The following ZNF469 variants were observed in gnomAD, a reference collection of about 807,000 sequenced individuals.
The protein encoded by ZNF469 is zinc finger protein 469.
ZNF469 carries 1 observed loss-of-function variant against 1.0 expected under a neutral mutation model. The ratio of observed to expected loss-of-function variants is 1.00; its 90% confidence interval spans 0.35 to 4.73. The LOEUF (loss-of-function observed/expected upper bound fraction) is 4.73, where lower values mean the gene tolerates loss of function less well. Ranked by LOEUF, ZNF469 falls within the 30% of genes most tolerant of loss-of-function variation. The pLI is 0.16. For synonymous variants in ZNF469, 2,703 were observed against 2,363.4 expected (o/e 1.14, Z -4.17); for missense variants, 6,100 against 5,356.3 (o/e 1.14, Z -4.33).
In ZNF469 at chr16:88,433,240, G is replaced by C; in HGVS notation, c.5770G>C (p.Glu1924Gln). ...TAAAGATGGCATCCTGGGCTTGCAGGAGCTGACACCTGCTGCCCAGAGCCC... is the reference window on the plus strand; with the variant it reads ...TAAAGATGGCATCCTGGGCTTGCAGCAGCTGACACCTGCTGCCCAGAGCCC... ...KSKDGILGLQ[E>Q]LTPAAQSPPR... Residue 1924 changes from glutamate to glutamine, a missense_variant, in exon 3 of 3, where the codon GAG becomes CAG. By Grantham distance (29) the Glu-to-Gln change is conservative. Transcript: ENST00000565624. 6.5e-7 allele frequency: 1 copy of C among 1,550,178 alleles called. No homozygotes were observed. The highest frequency in any genetic ancestry group is 8.7e-7 in the Non-Finnish European group (1 of 1,146,918).
chr16:88,298,667 G>A, the ZNF469 span, among the ~76,000 whole-genome samples: 1 of 152,074 alleles, frequency 6.6e-6, no homozygotes, highest in Non-Finnish European at 1.5e-5. Flanking sequence ...CCTGGGACAC[G>A]GAGGGAGGCA....
At chr16:88,161,942 G>A in the ZNF469 span, among the ~76,000 whole-genome samples, 114 of 152,296 alleles carry the variant, frequency 7.5e-4, no homozygotes, top group Non-Finnish European at 1.9e-4. Flanking sequence ...ATGGAATGCC[G>A]TTGAGACAGC....
the ZNF469 span, among the ~76,000 whole-genome samples, chr16:88,347,080 C>A: frequency 6.6e-6 from 1 of 152,168 alleles, no homozygotes; most frequent in Non-Finnish European, 1.5e-5. Flanking sequence ...ACAGGCCGTA[C>A]GGCTGAGCTT....
chr16:88,238,292 A>G, the ZNF469 span, among the ~76,000 whole-genome samples: 2 of 152,328 alleles, frequency 1.3e-5, no homozygotes, highest in East Asian at 1.9e-4. Flanking sequence ...GAGAGGAATG[A>G]GCCCTTCTGT....
Position 88,437,379 on chromosome 16 carries a change from C to A in ZNF469, c.9909C>A (p.Gly3303=), listed in dbSNP as rs1285198083. 6.5e-7 allele frequency: 1 copy of A among 1,536,692 alleles called. No individual in the cohort carries two copies. Among genetic ancestry groups the A allele is most frequent in the Non-Finnish European group, 8.8e-7 (1 of 1,140,936 alleles). ...ATALADAGSP[G]PPRTTPSPSP... ...CCCTGGCTGACGCCGGCAGCCCGGGCCCCCCCAGGACGACCCCCAGCCCGT... is the reference window on the plus strand; with the variant it reads ...CCCTGGCTGACGCCGGCAGCCCGGGACCCCCCAGGACGACCCCCAGCCCGT... The change falls in exon 3 of 3, where the codon GGC becomes GGA. Residue 3303 remains glycine (G), a synonymous_variant. Transcript: ENST00000565624.
chr16:88,103,537 TC>T, the ZNF469 span, among the ~76,000 whole-genome samples: 1 of 151,894 alleles, frequency 6.6e-6, no homozygotes, highest in Non-Finnish European at 1.5e-5. Context: ...GCCCTCCTTG[TC>T]CCCCCCGAAT....
the ZNF469 span, among the ~76,000 whole-genome samples, chr16:88,105,045 A>G: frequency 6.6e-6 from 1 of 152,278 alleles, no homozygotes; most frequent in Middle Eastern, 3.4e-3. Flanking sequence ...GTGAGACCCT[A>G]TCTCTACAAG....
the ZNF469 span, among the ~76,000 whole-genome samples, chr16:88,148,823 G>A: frequency 6.6e-6 from 1 of 152,174 alleles, no homozygotes; most frequent in Non-Finnish European, 1.5e-5. Flanking sequence ...CCTGAGTCCG[G>A]CATGGAGCTG....
the ZNF469 span, among the ~76,000 whole-genome samples, chr16:88,160,776 C>T: frequency 6.6e-6 from 1 of 152,118 alleles, no homozygotes; most frequent in Admixed American, 6.5e-5. Flanking sequence ...CTTTTCCCAC[C>T]CAGCAGCCTG....
rs1003677220 is a variant in ZNF469, at chr16:88,437,864, C to A, written c.10394C>A (p.Ala3465Asp). The A allele has an allele frequency of 2.7e-5, 42 of 1,538,772 alleles. No individual in the cohort carries two copies. Among genetic ancestry groups the A allele is most frequent in the Admixed American group, 3.9e-5 (2 of 50,670 alleles). The change falls in exon 3 of 3, where the codon GCC becomes GAC. Residue 3465 changes from alanine (A) to aspartate (D), a missense_variant. Ala to Asp is a moderately radical substitution (Grantham distance 126). Coordinates refer to ENST00000565624, the MANE Select transcript of ZNF469 (RefSeq NM_001367624.2). Reference protein sequence around the residue: ...RPGAPGQKARALEGTLPSKRR... With the variant: ...RPGAPGQKARDLEGTLPSKRR... ...GGAGCGCCGGGACAGAAGGCCCGGG[C>A]CCTCGAGGGCACACTGCCCAGCAAA...
At chr16:88,425,836 C>G (rs1198887818) in intron 2 of ZNF469, among the ~76,000 whole-genome samples, 1 of 151,984 alleles carries the variant, frequency 6.6e-6, no homozygotes, top group African/African-American at 2.4e-5. Context: ...GAGGAAGGGG[C>G]ACCCGGGCCC....
chr16:88,103,241 T>C, the ZNF469 span, among the ~76,000 whole-genome samples: 2 of 152,150 alleles, frequency 1.3e-5, no homozygotes, highest in Non-Finnish European at 2.9e-5. Context: ...GTGGTGGCTC[T>C]TAGGGACGCA....
At chr16:88,240,412 C>T in the ZNF469 span, among the ~76,000 whole-genome samples, 1 of 152,218 alleles carries the variant, frequency 6.6e-6, no homozygotes, top group African/African-American at 2.4e-5. Flanking sequence ...CAGCTAGCAG[C>T]TGACAGTTGC....
the ZNF469 span, among the ~76,000 whole-genome samples, chr16:88,225,529 G>A: frequency 1.4e-3 from 213 of 152,264 alleles, no homozygotes; most frequent in African/African-American, 4.9e-3. Context: ...TTTTCGGGGA[G>A]GAGGTGAATG....
At chr16:88,291,337 T>C in the ZNF469 span, among the ~76,000 whole-genome samples, 1 of 152,148 alleles carries the variant, frequency 6.6e-6, no homozygotes, top group Admixed American at 6.5e-5. Context: ...GTTTGATGCA[T>C]GAAGGGCACT....
chr16:88,189,533 C>G, the ZNF469 span, among the ~76,000 whole-genome samples: 1 of 152,208 alleles, frequency 6.6e-6, no homozygotes, highest in African/African-American at 2.4e-5. The surrounding 1 kb of genome is among the most constrained non-coding windows in gnomAD (Gnocchi z 4.3). Context: ...TCCACATGCA[C>G]TTATTGTGCT....
chr16:88,119,839 G>T, the ZNF469 span, among the ~76,000 whole-genome samples: 1 of 152,214 alleles, frequency 6.6e-6, no homozygotes, highest in African/African-American at 2.4e-5. Flanking sequence ...TGGGGTTAGG[G>T]AAGAGATGGG....
chr16:88,305,728 T>A, the ZNF469 span, among the ~76,000 whole-genome samples: 3 of 152,046 alleles, frequency 2.0e-5, no homozygotes, highest in Non-Finnish European at 2.9e-5. Context: ...ACCTGCACAC[T>A]CATGCCTGCA....
chr16:88,103,479 G>A, the ZNF469 span, among the ~76,000 whole-genome samples: 62 of 152,356 alleles, frequency 4.1e-4, no homozygotes, highest in African/African-American at 1.5e-3. Context: ...TGAAGACCCG[G>A]TGCTGGGGCT....
Sources: allele counts gnomAD v4.1 joint callset (sites outside exome capture counted in the v4.1 genomes callset), GRCh38; gene constraint gnomAD v4.1.1; non-coding constraint Gnocchi (gnomAD v3.1); transcripts MANE v1.5; gene names NCBI Gene and HGNC (gene_info 2026-07-23, HGNC 2026-07-21).